Variants in ONECUT3 observed in about 807,000 individuals in gnomAD.
The protein encoded by ONECUT3 is one cut homeobox 3.
In ONECUT3, 11 loss-of-function variants were observed where a neutral mutation model predicts 16.8. The observed-to-expected ratio is 0.66, with a 90% CI of 0.41 to 1.09. ONECUT3 has a LOEUF of 1.09. ONECUT3 is among the 50% of genes least tolerant of loss of function. ONECUT3 has a pLI of 0.00. For synonymous variants in ONECUT3, 344 were observed against 310.7 expected (o/e 1.11, Z -1.13); for missense variants, 637 against 629.9 (o/e 1.01, Z -0.12).
rs1325580185 is a variant in ONECUT3 at position 1,776,447 on chromosome 19, T to G, written c.*1002T>G. Reference sequence around the variant, plus strand: ...ACCTTCTGGAATCCACCGCCCCCCTTTCCGCCCGCGTCAGGGTCTGAACTG... The same window carrying G: ...ACCTTCTGGAATCCACCGCCCCCCTGTCCGCCCGCGTCAGGGTCTGAACTG... On this transcript the variant is annotated 3_prime_UTR_variant, in exon 2 of 2. Coordinates refer to ENST00000382349, the MANE Select transcript of ONECUT3 (RefSeq NM_001080488.2). The surrounding 1 kb of genome is among the most constrained non-coding windows in gnomAD (Gnocchi z 4.9). The G allele has an allele frequency of 6.6e-6, 1 of 152,044 alleles. No individual in the cohort carries two copies. The highest frequency in any genetic ancestry group is 1.5e-5 in the Non-Finnish European group (1 of 68,038). The allele number at this position is 152,044 out of a possible 1,614,324, so 9.4% of individuals were successfully genotyped here. A position where few individuals can be genotyped will look rare whatever the true frequency, so the allele number is the denominator to read the frequency against.
intron 1 of ONECUT3, 24 bp from the exon 2 acceptor site, chr19:1,775,129 C>CGCCCGCCCGCCG: frequency 8.3e-7 from 1 of 1,211,710 alleles, no homozygotes; most frequent in Non-Finnish European, 1.1e-6. Context: ...CCCGCTCGCC[C>CGCCCGCCCGCCG]GCCCGCCCGC....
At chr19:1,763,449 G>A (rs1202795976) in intron 1 of ONECUT3, among the ~76,000 whole-genome samples, 1 of 149,818 alleles carries the variant, frequency 6.7e-6, no homozygotes, top group Non-Finnish European at 1.5e-5. Flanking sequence ...AGGAGGCTGA[G>A]CCAGGAGGAT....
chr19:1,756,695 ATTTTT>A (rs58105449), intron 1 of ONECUT3, among the ~76,000 whole-genome samples: 23 of 101,138 alleles, frequency 2.3e-4, no homozygotes, highest in East Asian at 5.9e-4. Flanking sequence ...ACGCCTGGCT[ATTTTT>A]TTTTTTTTTT....
Position 1,775,629 on chromosome 19 carries a change from G to A in ONECUT3, c.*184G>A. The stretch of plus-strand genomic sequence containing the variant: ...CCCCCAGCCCAAGTGCACAAAAAGG[G>A]CCCCCCTTCCTCCCTCCATGCCCAC... On this transcript the variant is annotated 3_prime_UTR_variant, in exon 2 of 2. Coordinates refer to ENST00000382349, the MANE Select transcript of ONECUT3 (RefSeq NM_001080488.2). 1 of 532,936 alleles carries A rather than the reference G, an allele frequency of 1.9e-6. No homozygotes were observed. Among genetic ancestry groups the A allele is most frequent in the South Asian group, 2.6e-5 (1 of 37,750 alleles). The allele number at this position is 532,936 out of a possible 1,614,324, so 33.0% of individuals were successfully genotyped here.
chr19:1,763,601 C>T (rs1341617184), intron 1 of ONECUT3, among the ~76,000 whole-genome samples: 1 of 151,954 alleles, frequency 6.6e-6, no homozygotes, highest in South Asian at 2.1e-4. Context: ...TTAACGCATT[C>T]GCCAGTTTCC....
intron 1 of ONECUT3, among the ~76,000 whole-genome samples, chr19:1,772,785 C>T (rs1296928446): frequency 6.7e-6 from 1 of 150,042 alleles, no homozygotes; most frequent in Non-Finnish European, 1.5e-5. Flanking sequence ...CTTCTGCCTC[C>T]CAGATTCAAG....
chr19:1,778,485 T>C lies in ONECUT3; in HGVS notation c.*3040T>C, dbSNP rs2068129791. The C allele has an allele frequency of 6.6e-6, 1 of 151,834 alleles. No individual in the cohort carries two copies. The highest frequency in any genetic ancestry group is 6.6e-5 in the Admixed American group (1 of 15,230). The allele number at this position is 151,834 out of a possible 1,614,324, so 9.4% of individuals were successfully genotyped here. A position where few individuals can be genotyped will look rare whatever the true frequency, so the allele number is the denominator to read the frequency against. On this transcript the variant is annotated 3_prime_UTR_variant, in exon 2 of 2. Transcript: ENST00000382349. ...CTGGCCCAGTGAGCTTCTTAGAAAATCGATGCCTGGGCTTCAGGCACTGGC... is the reference window on the plus strand; with the variant it reads ...CTGGCCCAGTGAGCTTCTTAGAAAACCGATGCCTGGGCTTCAGGCACTGGC...
chr19:1,764,590 G>C lies in ONECUT3; in HGVS notation c.1192+9736G>C, dbSNP rs993206335. ...TGGGGCCAGATGAGGGGCTGGGGAG[G>C]CCTCTGGGGGTCCACGCCTGGGGCA... On this transcript the variant is annotated intron_variant, in intron 1 of 1. Transcript: ENST00000382349. The surrounding 1 kb of genome is among the most constrained non-coding windows in gnomAD (Gnocchi z 5.0). Among the ~76,000 whole-genome samples the C allele has an allele frequency of 1.3e-5, 2 of 152,060 alleles. No homozygotes were observed. Among genetic ancestry groups the C allele is most frequent in the African/African-American group, 4.8e-5 (2 of 41,404 alleles).
intron 1 of ONECUT3, among the ~76,000 whole-genome samples, chr19:1,769,964 C>G (rs1312133400): frequency 6.6e-6 from 1 of 152,168 alleles, no homozygotes; most frequent in Non-Finnish European, 1.5e-5. Context: ...CGATATGCAT[C>G]CTACCTCCCT....
Position 1,754,946 on chromosome 19 carries a change from C to T in ONECUT3, c.1192+92C>T. 2 of 1,275,308 alleles carry T rather than the reference C, an allele frequency of 1.6e-6. No individual in the cohort carries two copies. The highest frequency in any genetic ancestry group is 2.0e-6 in the Non-Finnish European group (2 of 1,009,382). The allele number at this position is 1,275,308 out of a possible 1,614,324, so 79.0% of individuals were successfully genotyped here. A position where few individuals can be genotyped will look rare whatever the true frequency, so the allele number is the denominator to read the frequency against. ...GGCGGCGGCCGATGCCCGGGGCCAG[C>T]GCCCCAAGCCCCGCCCGTGCGCCCC... On this transcript the variant is annotated intron_variant, in intron 1 of 1. Coordinates refer to ENST00000382349, the MANE Select transcript of ONECUT3 (RefSeq NM_001080488.2). This position sits in a 1 kb window ranked among gnomAD's most constrained non-coding sequence, Gnocchi z 7.4.
Position 1,753,854 on chromosome 19 carries a change from C to G in ONECUT3, c.192C>G (p.Gly64=), listed in dbSNP as rs1395707625. Residue 64 remains glycine, a synonymous_variant, in exon 1 of 2, where the codon GGC becomes GGG. Transcript: ENST00000382349. ...GCGGCGGCGGCGGCGGCGGTGGGGGCGCCGGGGGCGCGGGCGGCGCGGGCA... is the reference window on the plus strand; with the variant it reads ...GCGGCGGCGGCGGCGGCGGTGGGGGGGCCGGGGGCGCGGGCGGCGCGGGCA... ...LDGGGGGGGG[G]AGGAGGAGSA... The G allele has an allele frequency of 2.1e-6, 2 of 971,912 alleles. No homozygotes were observed. Among genetic ancestry groups the G allele is most frequent in the African/African-American group, 3.6e-5 (2 of 55,916 alleles). 60.2% of individuals were successfully genotyped at this position (971,912 alleles called of 1,614,324 possible).
At chr19:1,757,570 G>A (rs989707026) in intron 1 of ONECUT3, among the ~76,000 whole-genome samples, 1 of 152,124 alleles carries the variant, frequency 6.6e-6, no homozygotes, top group Non-Finnish European at 1.5e-5. Context: ...CCGTGGCCCC[G>A]CCGCGCGGCC....
intron 1 of ONECUT3, among the ~76,000 whole-genome samples, chr19:1,757,717 C>G (rs971963566): frequency 6.6e-6 from 1 of 152,244 alleles, no homozygotes; most frequent in Non-Finnish European, 1.5e-5. Context: ...TCACTAGGCT[C>G]CGGCCCAGGC....
intron 1 of ONECUT3, among the ~76,000 whole-genome samples, chr19:1,756,186 C>A (rs2067915439): frequency 6.6e-6 from 1 of 152,152 alleles, no homozygotes; most frequent in Admixed American, 6.5e-5. Flanking sequence ...CTCCCTCCAC[C>A]CCAGGAGGAC....
chr19:1,757,106 G>C (rs1035932939), intron 1 of ONECUT3, among the ~76,000 whole-genome samples: 1 of 148,620 alleles, frequency 6.7e-6, no homozygotes, highest in African/African-American at 2.5e-5. Context: ...CGTCACAGAA[G>C]GGCAAACCGC....
chr19:1,759,448 A>G lies in ONECUT3; in HGVS notation c.1192+4594A>G, dbSNP rs956962316. On this transcript the variant is annotated intron_variant, in intron 1 of 1. Coordinates refer to ENST00000382349, the MANE Select transcript of ONECUT3 (RefSeq NM_001080488.2). The surrounding 1 kb of genome is among the most constrained non-coding windows in gnomAD (Gnocchi z 4.1). ...CACAAGCACTCTGGAACCCCCACCC[A>G]AACTCTGGATGAAGGGGAGGGATGA... Among the ~76,000 whole-genome samples the G allele has an allele frequency of 6.7e-6, 1 of 148,792 alleles. No individual in the cohort carries two copies. The highest frequency in any genetic ancestry group is 1.5e-5 in the Non-Finnish European group (1 of 67,172).
At position 1,754,883 on chromosome 19, in the gene ONECUT3, C is replaced by A. The variant is rs760669440; in HGVS notation, c.1192+29C>A. 5.8e-6 allele frequency: 8 copies of A among 1,370,958 alleles called. No homozygotes were observed. Among genetic ancestry groups the A allele is most frequent in the Middle Eastern group, 2.0e-4 (1 of 5,042 alleles). 84.9% of individuals were successfully genotyped at this position (1,370,958 alleles called of 1,614,324 possible). A position where few individuals can be genotyped will look rare whatever the true frequency, so the allele number is the denominator to read the frequency against. On this transcript the variant is annotated intron_variant, in intron 1 of 1. Coordinates refer to ENST00000382349, the MANE Select transcript of ONECUT3 (RefSeq NM_001080488.2). This position sits in a 1 kb window ranked among gnomAD's most constrained non-coding sequence, Gnocchi z 7.4. ...GGAGCGTGGCGCGCAGGGCCAGACCCTGGGGGCGCCGGCTCTGGACTCCCG... is the reference window on the plus strand; with the variant it reads ...GGAGCGTGGCGCGCAGGGCCAGACCATGGGGGCGCCGGCTCTGGACTCCCG...
At position 1,777,470 on chromosome 19, in the gene ONECUT3, A is replaced by ACATG. The variant is rs1280863519; in HGVS notation, c.*2028_*2031dup. 1 of 150,154 alleles carries ACATG rather than the reference A, an allele frequency of 6.7e-6. No individual in the cohort carries two copies. The highest frequency in any genetic ancestry group is 2.0e-4 in the East Asian group (1 of 4,976). 9.3% of individuals were successfully genotyped at this position (150,154 alleles called of 1,614,324 possible). ...CACACAGAGACACACATGCAGATAC[A>ACATG]CATGCACACACACATACACACACTG... On this transcript the variant is annotated 3_prime_UTR_variant, in exon 2 of 2. Coordinates refer to ENST00000382349, the MANE Select transcript of ONECUT3 (RefSeq NM_001080488.2).
rs2068122588 is a variant in ONECUT3, at chr19:1,777,661, C to G, written c.*2216C>G. On this transcript the variant is annotated 3_prime_UTR_variant, in exon 2 of 2. Transcript: ENST00000382349. ...GGCCGGACTGACGTAGCCTATGGGC[C>G]CAGCAGGTCCAGGGCCCACGTTTTA... is the stretch of plus-strand genomic sequence containing the variant. 6.6e-6 allele frequency: 1 copy of G among 152,158 alleles called. No individual in the cohort carries two copies. Among genetic ancestry groups the G allele is most frequent in the African/African-American group, 2.4e-5 (1 of 41,428 alleles). 9.4% of individuals were successfully genotyped at this position (152,158 alleles called of 1,614,324 possible). A position where few individuals can be genotyped will look rare whatever the true frequency, so the allele number is the denominator to read the frequency against.
Sources: allele counts gnomAD v4.1 joint callset (sites outside exome capture counted in the v4.1 genomes callset), GRCh38; gene constraint gnomAD v4.1.1; non-coding constraint Gnocchi (gnomAD v3.1); transcripts MANE v1.5; gene names NCBI Gene and HGNC (gene_info 2026-07-23, HGNC 2026-07-21).